Variants in CASK observed in about 807,000 individuals in gnomAD.
CASK encodes the protein peripheral plasma membrane protein CASK.
A neutral mutation model predicts 82.9 loss-of-function variants in CASK; 4 were observed. The observed-to-expected ratio is 0.05, with a 90% CI of 0.02 to 0.11. CASK has a LOEUF of 0.11. Among genes scored for constraint, CASK ranks in the 10% least tolerant of loss-of-function variants. The pLI, the probability that CASK is intolerant of heterozygous loss-of-function variation, is 1.00. For synonymous variants in CASK, 259 were observed against 253.5 expected (o/e 1.02, Z -0.20); for missense variants, 358 against 720.9 (o/e 0.50, Z 5.76).
At chrX:41,525,002 T>C (rs907496879) in intron 25 of CASK, among the ~76,000 whole-genome samples, 2 of 111,738 alleles carry the variant, frequency 1.8e-5, no homozygotes, top group African/African-American at 6.5e-5. Context: ...CTCTAAATGG[T>C]CTTTAAATTT....
At chrX:41,526,860 C>A (rs1050165745) in intron 25 of CASK, among the ~76,000 whole-genome samples, 11 of 111,289 alleles carry the variant, frequency 9.9e-5, no homozygotes, top group African/African-American at 2.9e-4. Context: ...TTGAGATTTT[C>A]CTGTCTAGTC....
intron 3 of CASK, chrX:41,786,681 T>A (rs2069613641): frequency 7.0e-6 from 1 of 142,453 alleles, no homozygotes; most frequent in African/African-American, 3.2e-5. Context: ...ATTCTCCATC[T>A]TACCAACAAA....
intron 8 of CASK, among the ~76,000 whole-genome samples, chrX:41,637,729 G>A (rs1267184917): frequency 4.5e-5 from 5 of 110,100 alleles, no homozygotes; most frequent in Non-Finnish European, 9.5e-5. Context: ...CCACAGCCTC[G>A]ACCTCCCTGG....
intron 1 of CASK, among the ~76,000 whole-genome samples, chrX:41,859,121 G>T (rs901115615): frequency 4.5e-5 from 5 of 111,148 alleles, no homozygotes; most frequent in African/African-American, 1.6e-4. Context: ...TTTAATAAAC[G>T]CAATGAAATT....
At chrX:41,904,943 T>G (rs2072445031) in intron 1 of CASK, among the ~76,000 whole-genome samples, 1 of 112,332 alleles carries the variant, frequency 8.9e-6, no homozygotes, top group Admixed American at 9.4e-5. Flanking sequence ...TATGGCTGCA[T>G]AGTATCCCAC....
chrX:41,752,735 A>T (rs1419910840), intron 3 of CASK, among the ~76,000 whole-genome samples: 1 of 112,142 alleles, frequency 8.9e-6, no homozygotes, highest in Non-Finnish European at 1.9e-5. Flanking sequence ...CATAGGTCCA[A>T]TCTTACAGGT....
intron 4 of CASK, among the ~76,000 whole-genome samples, chrX:41,744,509 C>T (rs1017502125): frequency 3.6e-5 from 4 of 110,867 alleles, no homozygotes; most frequent in Non-Finnish European, 7.6e-5. Flanking sequence ...CCACGCCCGG[C>T]TAATTTTTGT....
At position 41,524,044 on chromosome X, in the gene CASK, G is replaced by GAA. The variant is rs199560653; in HGVS notation, c.2521-12_2521-11dup. ...TCAGGACCTTCAGTGCCTGTGTTAAGAAAAAAAAAAAAAATCCCGACTTAA... is the reference window on the plus strand; with the variant it reads ...TCAGGACCTTCAGTGCCTGTGTTAAGAAAAAAAAAAAAAAAATCCCGACTTAA... On this transcript the variant is annotated splice_polypyrimidine_tract_variant and intron_variant, in intron 25 of 26. Coordinates refer to ENST00000378163, the MANE Select transcript of CASK (RefSeq NM_001367721.1). The GAA allele has an allele frequency of 3.6e-3, 3,188 of 887,407 alleles. No homozygotes were observed. Among genetic ancestry groups the GAA allele is most frequent in the Middle Eastern group, 5.7e-3 (17 of 3,000 alleles). The allele number at this position is 887,407 out of a possible 1,213,427, so 73.1% of individuals were successfully genotyped here.
At chrX:41,801,271 C>T (rs2069992604) in intron 2 of CASK, among the ~76,000 whole-genome samples, 1 of 111,874 alleles carries the variant, frequency 8.9e-6, no homozygotes, top group Admixed American at 9.5e-5. Flanking sequence ...ATATGGGTCT[C>T]TGATGGTCAA....
intron 2 of CASK, among the ~76,000 whole-genome samples, chrX:41,797,889 A>C (rs2069895581): frequency 8.9e-6 from 1 of 112,040 alleles, no homozygotes; most frequent in African/African-American, 3.2e-5. Context: ...TTCTCAGAGA[A>C]TGACCAAGAA....
At chrX:41,606,777 T>C (rs745529129) in intron 12 of CASK, among the ~76,000 whole-genome samples, 1 of 109,511 alleles carries the variant, frequency 9.1e-6, no homozygotes, top group East Asian at 2.9e-4. Flanking sequence ...ACTGCACCCT[T>C]GAATTCCTGG....
At chrX:41,734,044 T>G (rs1486893506) in intron 5 of CASK, among the ~76,000 whole-genome samples, 1 of 111,331 alleles carries the variant, frequency 9.0e-6, no homozygotes, top group Non-Finnish European at 1.9e-5. Context: ...TCACACAGGT[T>G]AGCAAGGAAA....
chrX:41,725,852 T>C (rs1311353190), intron 5 of CASK, among the ~76,000 whole-genome samples: 2 of 111,785 alleles, frequency 1.8e-5, no homozygotes, highest in Non-Finnish European at 3.8e-5. Flanking sequence ...CAGCTACAGT[T>C]TTTTTTTGTT....
intron 5 of CASK, among the ~76,000 whole-genome samples, chrX:41,709,768 G>C (rs1262268749): frequency 9.0e-6 from 1 of 111,558 alleles, no homozygotes; most frequent in African/African-American, 3.3e-5. Context: ...GGGCGCTTAA[G>C]AGAAAATGAA....
chrX:41,627,492 T>A (rs995561331), intron 9 of CASK, among the ~76,000 whole-genome samples: 1 of 111,842 alleles, frequency 8.9e-6, no homozygotes, highest in Admixed American at 9.5e-5. Flanking sequence ...TGTGGGCTTT[T>A]AGTGAATCTG....
chrX:41,526,971 C>T (rs1039416671), intron 25 of CASK, among the ~76,000 whole-genome samples: 2 of 111,091 alleles, frequency 1.8e-5, no homozygotes, highest in Non-Finnish European at 3.8e-5. Context: ...GTGGGTGCCA[C>T]TTTTGGTGCT....
Position 41,760,426 on chromosome X carries a change from C to T in CASK, c.279-14825G>A, listed in dbSNP as rs139672932. ...TCTCAGCCCGCTGTATAACTCCATG[C>T]TTCCTGTTCACCTTTTTGAAGGAGG... On this transcript the variant is annotated intron_variant, in intron 3 of 26. Coordinates refer to ENST00000378163, the MANE Select transcript of CASK (RefSeq NM_001367721.1). 6.4e-3 allele frequency among the ~76,000 whole-genome samples: 721 copies of T among 112,112 alleles called. 9 individuals are homozygous for T. Among genetic ancestry groups the T allele is most frequent in the African/African-American group, 0.022 (689 of 30,877 alleles).
chrX:41,837,397 C>T (rs1479334365), intron 2 of CASK, among the ~76,000 whole-genome samples: 1 of 111,388 alleles, frequency 9.0e-6, no homozygotes, highest in Non-Finnish European at 1.9e-5. Context: ...GTAGTCACCA[C>T]CAAAACAGAG....
chrX:41,896,033 G>A (rs968145824), intron 1 of CASK, among the ~76,000 whole-genome samples: 15 of 111,290 alleles, frequency 1.3e-4, no homozygotes, highest in Non-Finnish European at 2.1e-4. Flanking sequence ...CTGAACTCAG[G>A]AACACCAGCC....
Sources: gnomAD v4.1 joint callset for allele counts (sites outside exome capture counted in the v4.1 genomes callset) on GRCh38, gnomAD v4.1.1 for gene constraint, MANE v1.5 for transcripts, NCBI Gene and HGNC (gene_info 2026-07-23, HGNC 2026-07-21) for gene names.